Variants in HPSE2 observed in about 807,000 individuals in gnomAD.
HPSE2 encodes inactive heparanase-2.
HPSE2 carries 38 observed loss-of-function variants against 60.5 expected under a neutral mutation model. The ratio of observed to expected loss-of-function variants is 0.63; its 90% CI spans 0.48 to 0.82. The LOEUF (loss-of-function observed/expected upper bound fraction) is 0.82, where lower values mean the gene tolerates loss of function less well. Ranked by LOEUF, HPSE2 falls within the 40% of genes least tolerant of loss-of-function variation. The pLI is 0.00. For synonymous variants in HPSE2, 295 were observed against 293.2 expected (o/e 1.01, Z -0.06); for missense variants, 713 against 740.4 (o/e 0.96, Z 0.43).
chr10:99,178,382 TAAAG>T (rs747767847), intron 2 of HPSE2, among the ~76,000 whole-genome samples: 44 of 151,636 alleles, frequency 2.9e-4, no homozygotes, highest in Admixed American at 1.1e-3. Flanking sequence ...GCCAGACTAA[TAAAG>T]AAGAAAAGAG....
intron 8 of HPSE2, among the ~76,000 whole-genome samples, chr10:98,618,037 C>G (rs1362899818): frequency 2.0e-5 from 3 of 152,098 alleles, no homozygotes; most frequent in Non-Finnish European, 4.4e-5. Flanking sequence ...CTTTACTGCT[C>G]CCCTACTCCC....
chr10:98,532,541 A>G (rs1030500022), intron 9 of HPSE2, among the ~76,000 whole-genome samples: 3 of 152,218 alleles, frequency 2.0e-5, no homozygotes, highest in African/African-American at 7.2e-5. Context: ...CATTATTATT[A>G]TAGTGCTTGA....
intron 9 of HPSE2, among the ~76,000 whole-genome samples, chr10:98,595,965 T>A (rs1405547253): frequency 6.6e-6 from 1 of 152,200 alleles, no homozygotes; most frequent in Non-Finnish European, 1.5e-5. Flanking sequence ...TGATTATATG[T>A]TTTTTGTCCT....
intron 7 of HPSE2, among the ~76,000 whole-genome samples, chr10:98,632,273 C>A (rs1261636824): frequency 6.6e-6 from 1 of 152,064 alleles, no homozygotes; most frequent in African/African-American, 2.4e-5. Flanking sequence ...TATTATATTT[C>A]TGTAAGTTAA....
chr10:99,308,379 C>CAAAAAAA, the HPSE2 span, among the ~76,000 whole-genome samples: 1,101 of 28,082 alleles, frequency 0.039, 149 homozygotes, highest in Middle Eastern at 0.068. Context: ...GACTCTGTCT[C>CAAAAAAA]AAAAAAAAAA....
chr10:98,752,416 T>C (rs933860517), intron 3 of HPSE2, among the ~76,000 whole-genome samples: 16 of 152,194 alleles, frequency 1.1e-4, no homozygotes, highest in Admixed American at 2.6e-4. Context: ...CATTAGACTA[T>C]ATAGCAGAAA....
chr10:99,283,008 C>A, the HPSE2 span, among the ~76,000 whole-genome samples: 1 of 151,766 alleles, frequency 6.6e-6, no homozygotes, highest in Non-Finnish European at 1.5e-5. Context: ...CATGGTGAAA[C>A]CCCGACTCTA....
At chr10:98,910,392 T>C (rs1953947301) in intron 3 of HPSE2, among the ~76,000 whole-genome samples, 1 of 152,144 alleles carries the variant, frequency 6.6e-6, no homozygotes, top group Non-Finnish European at 1.5e-5. Context: ...TGCTAGAAGT[T>C]TGACAAATCA....
chr10:98,875,086 C>G (rs2134851161), intron 3 of HPSE2, among the ~76,000 whole-genome samples: 1 of 151,896 alleles, frequency 6.6e-6, no homozygotes, highest in Admixed American at 6.6e-5. Context: ...AGAAAGATCT[C>G]AAATTGACAC....
intron 9 of HPSE2, among the ~76,000 whole-genome samples, chr10:98,537,060 A>G (rs1470060134): frequency 6.6e-6 from 1 of 152,210 alleles, no homozygotes; most frequent in East Asian, 1.9e-4. Flanking sequence ...AGTGTAGAAA[A>G]TGGATTGAAA....
At chr10:99,051,117 A>G (rs1254516656) in intron 3 of HPSE2, among the ~76,000 whole-genome samples, 1 of 152,150 alleles carries the variant, frequency 6.6e-6, no homozygotes, top group East Asian at 1.9e-4. Context: ...CTAAAAAGAC[A>G]GAAAAATACA....
chr10:99,122,263 T>C (rs888721013), intron 3 of HPSE2, among the ~76,000 whole-genome samples: 10 of 152,064 alleles, frequency 6.6e-5, no homozygotes, highest in Non-Finnish European at 1.0e-4. Flanking sequence ...CAGATAGTTA[T>C]GTACATTAAA....
At chr10:98,969,069 G>T (rs1239269706) in intron 3 of HPSE2, among the ~76,000 whole-genome samples, 2 of 152,070 alleles carry the variant, frequency 1.3e-5, no homozygotes, top group African/African-American at 2.4e-5. Flanking sequence ...TCTTAGGTAA[G>T]TATTTTTAAC....
At chr10:99,277,453 G>T in the HPSE2 span, among the ~76,000 whole-genome samples, 4 of 152,186 alleles carry the variant, frequency 2.6e-5, no homozygotes, top group Admixed American at 6.5e-5. Flanking sequence ...AAGATAAAAT[G>T]AATCCCTTAT....
At chr10:99,043,949 C>G (rs970579925) in intron 3 of HPSE2, among the ~76,000 whole-genome samples, 1 of 152,146 alleles carries the variant, frequency 6.6e-6, no homozygotes, top group African/African-American at 2.4e-5. Flanking sequence ...TTTGAGAATA[C>G]AGTCCACGAA....
chr10:99,298,719 G>C, the HPSE2 span, among the ~76,000 whole-genome samples: 17 of 150,514 alleles, frequency 1.1e-4, no homozygotes, highest in African/African-American at 3.9e-4. Flanking sequence ...TCTGTCGCCA[G>C]GCTGGAGTGC....
chr10:99,265,175 G>A, the HPSE2 span, among the ~76,000 whole-genome samples: 368 of 152,126 alleles, frequency 2.4e-3, 1 homozygote, highest in African/African-American at 8.2e-3. Context: ...ATTCTCCCTC[G>A]CCCTTAAGAA....
intron 9 of HPSE2, among the ~76,000 whole-genome samples, chr10:98,594,542 A>G (rs1388142235): frequency 6.6e-6 from 1 of 152,122 alleles, no homozygotes; most frequent in East Asian, 1.9e-4. Flanking sequence ...TATAAGTGCC[A>G]TCATGTGGTA....
chr10:98,728,474 C>G (rs1949146875), intron 4 of HPSE2, among the ~76,000 whole-genome samples: 1 of 151,890 alleles, frequency 6.6e-6, no homozygotes, highest in African/African-American at 2.4e-5. Context: ...AAAAATTACC[C>G]CTGTGTGGTG....
Sources: allele counts gnomAD v4.1 joint callset (sites outside exome capture counted in the v4.1 genomes callset), GRCh38; gene constraint gnomAD v4.1.1; transcripts MANE v1.5; gene names NCBI Gene and HGNC (gene_info 2026-07-23, HGNC 2026-07-21).